Variants in KLK15 observed in about 807,000 individuals in gnomAD.
The protein encoded by KLK15 is kallikrein-15.
Under a neutral mutation model 21.1 loss-of-function variants are expected in KLK15, and 19 were observed. The ratio of observed to expected loss-of-function variants is 0.90; its 90% confidence interval spans 0.63 to 1.32. The LOEUF is 1.32. Ranked by LOEUF, KLK15 falls within the 40% of genes most tolerant of loss-of-function variation. The pLI, the probability that KLK15 is intolerant of heterozygous loss-of-function variation, is 0.00. For missense variants in KLK15, 345 were observed against 348.6 expected (o/e 0.99, Z 0.08); for synonymous variants, 141 against 141.5 (o/e 1.00, Z 0.03).
rs1173574390 is a variant in KLK15 at position 50,825,964 on chromosome 19, G to T, written c.619-16C>A. On this transcript the variant is annotated splice_polypyrimidine_tract_variant and intron_variant, in intron 4 of 4. Transcript: ENST00000598239. ...CAGAGTCACCCTGTGGGGAAAAGAG[G>T]GGGTCTCAGGTTGAGTGAAACCTCC... The T allele has an allele frequency of 2.0e-5, 32 of 1,606,784 alleles. No homozygotes were observed. The highest frequency in any genetic ancestry group is 3.3e-5 in the South Asian group (3 of 90,630).
chr19:50,832,322 C>CTTTTTTTTTT (rs773163899), upstream of KLK15, among the ~76,000 whole-genome samples: 39 of 109,420 alleles, frequency 3.6e-4, no homozygotes, highest in African/African-American at 5.7e-4. Context: ...CTTTTTTTTT[C>CTTTTTTTTTT]TTTTTTTTTT....
chr19:50,828,057 A>G (rs958498259), intron 1 of KLK15, among the ~76,000 whole-genome samples: 1 of 151,270 alleles, frequency 6.6e-6, no homozygotes, highest in African/African-American at 2.4e-5. Flanking sequence ...GGTTCAAGTG[A>G]TCCTCCTGCC....
intron 1 of KLK15, among the ~76,000 whole-genome samples, chr19:50,829,424 C>T (rs377395172): frequency 4.0e-5 from 6 of 151,636 alleles, no homozygotes; most frequent in Non-Finnish European, 7.4e-5. Flanking sequence ...CAGGGACATA[C>T]GTGTGAAAGT....
At chr19:50,833,549 A>T (rs1054319708), upstream of KLK15, among the ~76,000 whole-genome samples, 6 of 152,146 alleles carry the variant, frequency 3.9e-5, no homozygotes, top group Non-Finnish European at 8.8e-5. Context: ...CTCCAGCAGC[A>T]TCTAGGGCAG....
exon 2 of KLK15, chr19:50,827,803 C>T (rs1201436742): frequency 1.2e-6 from 2 of 1,611,382 alleles, no homozygotes; most frequent in Admixed American, 3.3e-5. Flanking sequence ...CAACTTGTCA[C>T]CATCCTGGGC....
intron 1 of KLK15, among the ~76,000 whole-genome samples, chr19:50,829,843 G>A (rs1329197545): frequency 2.6e-5 from 4 of 151,390 alleles, no homozygotes; most frequent in African/African-American, 9.7e-5. Flanking sequence ...ACAAAAAAAA[G>A]TCAAGGTTAA....
exon 5 of KLK15, chr19:50,825,882 G>T (rs1190153915): frequency 1.2e-6 from 2 of 1,613,792 alleles, no homozygotes; most frequent in Admixed American, 1.7e-5. Flanking sequence ...TTGTCACAAG[G>T]GACGTCACCC....
rs753191173 is a variant in KLK15 at position 50,827,804 on chromosome 19, C to T, written c.55G>A (p.Gly19Ser). 29 of 1,611,264 alleles carry T rather than the reference C, an allele frequency of 1.8e-5. 2 individuals are homozygous for T. The highest frequency in any genetic ancestry group is 3.3e-4 in the Middle Eastern group (2 of 6,066). ...TCGTCACCTTCCAGCAACTTGTCAC[C>T]ATCCTGGGCTGCTAAGAGAAGGGGT... is the stretch of plus-strand genomic sequence containing the variant. The change falls in exon 2 of 5, where the codon GGT becomes AGT. Residue 19 changes from glycine (G) to serine (S), a missense_variant. Transcript: ENST00000598239.
rs752701301 is a variant in KLK15, at chr19:50,827,105, TGCTCTGG to T, written c.247_253del (p.Pro83AsnfsTer28). 2.1e-5 allele frequency: 33 copies of T among 1,604,898 alleles called. No individual in the cohort carries two copies. The African/African-American group carries it at 4.1e-4, about 20-fold the overall frequency. ...AATGACCCGAGACGTGGTCCGTAGT[TGCTCTGG>T]GCCATCGCGCTTGCGCAGGTTGTGC... On this transcript the variant is annotated frameshift_variant, in exon 3 of 5. Transcript: ENST00000598239. LOFTEE classifies it high-confidence loss of function.
exon 3 of KLK15, chr19:50,827,039 A>G (rs774685039): frequency 1.9e-6 from 3 of 1,606,288 alleles, no homozygotes; most frequent in African/African-American, 1.3e-5. Context: ...CAGCAACATG[A>G]TGTCGTTGCG....
At chr19:50,829,087 C>T (rs546434081) in intron 1 of KLK15, among the ~76,000 whole-genome samples, 35 of 150,564 alleles carry the variant, frequency 2.3e-4, no homozygotes, top group African/African-American at 7.8e-4. Context: ...CAAACACACA[C>T]ACAGAATTGG....
At chr19:50,827,847 A>G in intron 1 of KLK15, 32 bp from the exon 3 acceptor site, 1 of 1,605,100 alleles carries the variant, frequency 6.2e-7, no homozygotes, top group African/African-American at 1.3e-5. Context: ...GCCTGAGGAC[A>G]GGGACGTTTA....
upstream of KLK15, chr19:50,831,536 T>C (rs1312311726): frequency 2.8e-6 from 4 of 1,434,932 alleles, no homozygotes; most frequent in Non-Finnish European, 3.7e-6. Flanking sequence ...GGGGAGGGAG[T>C]GAGAGAATCC....
Position 50,827,936 on chromosome 19 carries a change from CT to C in KLK15, c.44-122del, listed in dbSNP as rs1002927678. ...CTTTCCCCTAACTTCTCAAGACACC[CT>C]GCCCTGTTTTTGTTTGTTGTTGTTG... is the stretch of plus-strand genomic sequence containing the variant. On this transcript the variant is annotated intron_variant, in intron 1 of 4. Transcript: ENST00000598239. The C allele has an allele frequency of 3.4e-5, 28 of 833,414 alleles. No individual in the cohort carries two copies. The African/African-American group carries it at 1.0e-3, about 31-fold the overall frequency. 51.6% of individuals were successfully genotyped at this position (833,414 alleles called of 1,614,324 possible).
At position 50,826,862 on chromosome 19, in the gene KLK15, C is replaced by A. The variant is rs769749425; in HGVS notation, c.481+16G>T. ...ATTCCTTGAGGCCTCGCATCCAGCTCCATCCTTTCACGCACCTTGTGACCG... is the reference window on the plus strand; with the variant it reads ...ATTCCTTGAGGCCTCGCATCCAGCTACATCCTTTCACGCACCTTGTGACCG... On this transcript the variant is annotated intron_variant, in intron 3 of 4. Transcript: ENST00000598239. The A allele has an allele frequency of 3.2e-6, 5 of 1,557,332 alleles. No individual in the cohort carries two copies. The African/African-American group carries it at 6.8e-5, about 21-fold the overall frequency.
At chr19:50,826,729 G>A (rs2089885469) in exon 4 of KLK15, 2 of 1,613,616 alleles carry the variant, frequency 1.2e-6, no homozygotes, top group Non-Finnish European at 1.7e-6. Flanking sequence ...TGCTGATGTT[G>A]GCACAATGCA....
downstream of KLK15, chr19:50,825,703 G>T: frequency 7.6e-7 from 1 of 1,322,668 alleles, no homozygotes. Context: ...GGGTCTTGGG[G>T]GATGGCTCCG....
At chr19:50,830,160 TACACACACACAC>T (rs58238482) in intron 1 of KLK15, among the ~76,000 whole-genome samples, 2 of 147,370 alleles carry the variant, frequency 1.4e-5, no homozygotes, top group Admixed American at 6.8e-5. Context: ...CACGTGCATG[TACACACACACAC>T]ACACACACAC....
chr19:50,826,661 A>G, exon 4 of KLK15: 1 of 1,613,102 alleles, frequency 6.2e-7, no homozygotes, highest in Non-Finnish European at 8.5e-7. Flanking sequence ...GCCTGCACAC[A>G]CCATGGTGTT....
Sources: gnomAD v4.1 joint callset for allele counts (sites outside exome capture counted in the v4.1 genomes callset) on GRCh38, gnomAD v4.1.1 for gene constraint, MANE v1.5 for transcripts, NCBI Gene and HGNC (gene_info 2026-07-23, HGNC 2026-07-21) for gene names.